SH3TC2: variants seen among roughly 807,000 people sequenced by gnomAD.
SH3TC2 encodes the protein SH3 domain and tetratricopeptide repeats 2.
Under a neutral mutation model 124.5 loss-of-function variants are expected in SH3TC2, and 87 were observed. The observed-to-expected ratio is 0.70, with a 90% CI of 0.59 to 0.84. The LOEUF is 0.84. Ranked by LOEUF, SH3TC2 falls within the 40% of genes least tolerant of loss-of-function variation. The pLI, the probability that SH3TC2 is intolerant of heterozygous loss-of-function variation, is 0.00. For synonymous variants in SH3TC2, 634 were observed against 628.5 expected (o/e 1.01, Z -0.13); for missense variants, 1,536 against 1,566.4 (o/e 0.98, Z 0.33).
chr5:149,009,747 A>G (rs1423668665), intron 14 of SH3TC2, among the ~76,000 whole-genome samples: 2 of 152,352 alleles, frequency 1.3e-5, no homozygotes, highest in Middle Eastern at 3.4e-3. Flanking sequence ...TATTCTTAAC[A>G]TCAACTCTTT....
intron 15 of SH3TC2, 134 bp downstream of exon 15, chr5:149,008,717 G>T (rs928265123): frequency 3.2e-6 from 4 of 1,257,500 alleles, no homozygotes; most frequent in Non-Finnish European, 4.6e-6. Flanking sequence ...CTTAACTAAG[G>T]TCTCTCTGAC....
chr5:149,018,739 G>A (rs1753919400), intron 12 of SH3TC2, among the ~76,000 whole-genome samples: 1 of 152,138 alleles, frequency 6.6e-6, no homozygotes, highest in South Asian at 2.1e-4. Flanking sequence ...ACCAAAACCT[G>A]TCTGTTAAAT....
chr5:149,038,901 G>A (rs535148462), intron 7 of SH3TC2, among the ~76,000 whole-genome samples: 1 of 152,352 alleles, frequency 6.6e-6, no homozygotes, highest in African/African-American at 2.4e-5. Context: ...ACCAGTGTGT[G>A]AGAACCACTC....
At chr5:149,057,686 G>A (rs1042834674) in intron 1 of SH3TC2, 3 of 152,108 alleles carry the variant, frequency 2.0e-5, no homozygotes, top group East Asian at 1.9e-4. Context: ...TTCTGTGATC[G>A]GTATGCATTT....
rs746538256 is a variant in SH3TC2, at chr5:149,027,299, C to A, written c.2433G>T (p.Gln811His). 3.1e-5 allele frequency: 50 copies of A among 1,613,968 alleles called. No individual in the cohort carries two copies. Among genetic ancestry groups the A allele is most frequent in the Non-Finnish European group, 4.2e-5 (50 of 1,180,054 alleles). The change falls in exon 11 of 17, where the codon CAG becomes CAT. Residue 811 changes from glutamine (Q) to histidine (H), a missense_variant. Transcript: ENST00000515425. ...CLAWAYLLAS[Q>H]AKKALDVLEP... Reference sequence around the variant, plus strand: ...CAAGCACATCCAAAGCCTTCTTGGCCTGGCTGGCTAAGAGATAGGCCCATG... The same window carrying A: ...CAAGCACATCCAAAGCCTTCTTGGCATGGCTGGCTAAGAGATAGGCCCATG...
intron 7 of SH3TC2, 133 bp from the exon 8 acceptor site, chr5:149,038,623 C>T (rs1164573256): frequency 2.1e-6 from 2 of 937,976 alleles, no homozygotes; most frequent in Non-Finnish European, 3.4e-6. Flanking sequence ...TCACTCCCCT[C>T]CCCACCCAAA....
intron 12 of SH3TC2, among the ~76,000 whole-genome samples, chr5:149,020,284 T>G (rs1753947351): frequency 6.6e-6 from 1 of 152,174 alleles, no homozygotes; most frequent in Non-Finnish European, 1.5e-5. Flanking sequence ...TAAAAAATGT[T>G]AATTATTACC....
intron 15 of SH3TC2, chr5:149,007,549 C>T: frequency 3.9e-6 from 1 of 255,502 alleles, no homozygotes; most frequent in Non-Finnish European, 7.6e-6. Flanking sequence ...ACACAAAAGT[C>T]TCTCTCTTCA....
At chr5:149,034,557 A>G in intron 8 of SH3TC2, 1 of 370,230 alleles carries the variant, frequency 2.7e-6, no homozygotes, top group East Asian at 9.2e-5. Context: ...CATTTTTAAC[A>G]TGATGTCCAT....
Position 149,026,698 on chromosome 5 carries a change from T to C in SH3TC2, c.2927A>G (p.Asn976Ser). The C allele has an allele frequency of 6.2e-7, 1 of 1,613,988 alleles. No homozygotes were observed. The highest frequency in any genetic ancestry group is 8.5e-7 in the Non-Finnish European group (1 of 1,179,998). The change falls in exon 12 of 17, where the codon AAC (asparagine) becomes AGC (serine). Residue 976 changes from asparagine (N) to serine (S), a missense_variant. Asn to Ser is a conservative substitution (Grantham distance 46). Around this residue, in one of 3 missense-constraint regions of SH3TC2, gnomAD observed 426 missense variants for 443.5 expected, o/e 0.96. Coordinates refer to ENST00000515425, the MANE Select transcript of SH3TC2 (RefSeq NM_024577.4). ...LCHFYSSVSP[N>S]PEACITYHEH... ...ATGGTAGGTGATGCATGCCTCAGGG[T>C]TTGGGGACACAGAGCTGTAGAAATG...
rs960705688 is a variant in SH3TC2, at chr5:148,983,927, T to C, written c.*20784A>G. ...AGATGGTGACATCTTTGAGGTACTA[T>C]CAACCTGCTCCTGGAACCAGTGTGG... On this transcript the variant is annotated 3_prime_UTR_variant, in exon 17 of 17. Transcript: ENST00000515425. Among the ~76,000 whole-genome samples the C allele has an allele frequency of 1.3e-5, 2 of 152,228 alleles. No individual in the cohort carries two copies. The highest frequency in any genetic ancestry group is 4.8e-5 in the African/African-American group (2 of 41,462).
chr5:149,019,905 C>G lies in SH3TC2; in HGVS notation c.3053+6667G>C, dbSNP rs562054341. Among the ~76,000 whole-genome samples the G allele has an allele frequency of 5.9e-5, 9 of 152,252 alleles. 2 individuals carry two copies. In the South Asian group the frequency reaches 1.7e-3, roughly 28 times the overall value. On this transcript the variant is annotated intron_variant, in intron 12 of 16. Transcript: ENST00000515425. The stretch of plus-strand genomic sequence containing the variant: ...GCTTGAAATACCCCAAAGTTCCATC[C>G]CCAGAGAACTGTTACTGTTTGATCT...
chr5:149,027,605 C>A lies in SH3TC2; in HGVS notation c.2127G>T (p.Trp709Cys), dbSNP rs756907661. The A allele has an allele frequency of 4.3e-6, 7 of 1,614,224 alleles. No homozygotes were observed. Among genetic ancestry groups the A allele is most frequent in the Non-Finnish European group, 5.9e-6 (7 of 1,180,034 alleles). The change falls in exon 11 of 17, where the codon TGG becomes TGT. Residue 709 changes from tryptophan to cysteine, a missense_variant. Physicochemically the swap from Trp to Cys is radical, Grantham distance 215. Transcript: ENST00000515425. ...TGTTCTGGAGGACAAGGTGGACCTG[C>A]CAAATAGGAAGAGACATCCCTTGGG... ...QSAQGMSLPIWQVHLVLQNTT... is the reference protein window; with the variant it reads ...QSAQGMSLPICQVHLVLQNTT...
In SH3TC2 at chr5:149,063,050, C is replaced by A. The variant is rs1325107229; in HGVS notation, c.-28G>T. 1 of 1,583,100 alleles carries A rather than the reference C, an allele frequency of 6.3e-7. No homozygotes were observed. The highest frequency in any genetic ancestry group is 1.8e-5 in the Admixed American group (1 of 56,396). On this transcript the variant is annotated 5_prime_UTR_variant, in exon 1 of 17. Transcript: ENST00000515425. ...GTGTACCATCCTACCCTGGCCGAGGCCCTTGGGAACACAGGCCAGAAGAGT... is the reference window on the plus strand; with the variant it reads ...GTGTACCATCCTACCCTGGCCGAGGACCTTGGGAACACAGGCCAGAAGAGT...
intron 6 of SH3TC2, 151 bp downstream of exon 6, chr5:149,041,265 G>A: frequency 1.2e-6 from 1 of 807,542 alleles, no homozygotes; most frequent in Non-Finnish European, 2.0e-6. Flanking sequence ...TGTTAAAAAA[G>A]AAAAGAAAAA....
chr5:148,998,319 G>T lies in SH3TC2; in HGVS notation c.*6392C>A, dbSNP rs114817736. Among the ~76,000 whole-genome samples the T allele has an allele frequency of 9.9e-5, 15 of 152,242 alleles. No homozygotes were observed. The East Asian group carries it at 2.5e-3, about 25-fold the overall frequency. On this transcript the variant is annotated 3_prime_UTR_variant, in exon 17 of 17. Transcript: ENST00000515425. ...ATTCAGAACTATTAATATTAAATAC[G>T]TTCTTTACCAATGATACACTATTTA... is the stretch of plus-strand genomic sequence containing the variant.
chr5:148,990,328 G>A lies in SH3TC2; in HGVS notation c.*14383C>T, dbSNP rs540922872. On this transcript the variant is annotated 3_prime_UTR_variant, in exon 17 of 17. Transcript: ENST00000515425. ...TGAGCCTTAGTTTCCTTAGTTTGCTGTAAATGTTCACACCTCCCATCATAA... is the reference window on the plus strand; with the variant it reads ...TGAGCCTTAGTTTCCTTAGTTTGCTATAAATGTTCACACCTCCCATCATAA... Among the ~76,000 whole-genome samples, 2 of 152,178 alleles carry A rather than the reference G, an allele frequency of 1.3e-5. No individual in the cohort carries two copies. Among genetic ancestry groups the A allele is most frequent in the East Asian group, 1.9e-4 (1 of 5,184 alleles).
chr5:149,030,621 A>AGGGCAG (rs1754174619), intron 9 of SH3TC2, among the ~76,000 whole-genome samples: 1 of 152,258 alleles, frequency 6.6e-6, no homozygotes. Context: ...AAGCTCTGCT[A>AGGGCAG]GGGCAGGGTG....
Position 149,028,397 on chromosome 5 carries a change from A to C in SH3TC2, c.1335T>G (p.Asp445Glu), listed in dbSNP as rs1234203055. Residue 445 changes from aspartate to glutamate, a missense_variant, in exon 11 of 17, where the codon GAT (aspartate) becomes GAG (glutamate). Asp to Glu is a conservative substitution (Grantham distance 45). Around this residue, in one of 3 missense-constraint regions of SH3TC2, gnomAD observed 1,102 missense variants for 1,098.6 expected, o/e 1.00. Transcript: ENST00000515425. Reference sequence around the variant, plus strand: ...TGAGCAGTTCCGGGTCATCAAGGTCATCAGGCTCCGGCAGGCGATAGCTGT... The same window carrying C: ...TGAGCAGTTCCGGGTCATCAAGGTCCTCAGGCTCCGGCAGGCGATAGCTGT... Reference protein sequence around the residue: ...TSDSYRLPEPDDLDDPELLMD... With the variant: ...TSDSYRLPEPEDLDDPELLMD... 2 of 1,613,944 alleles carry C rather than the reference A, an allele frequency of 1.2e-6. No individual in the cohort carries two copies. The highest frequency in any genetic ancestry group is 1.7e-6 in the Non-Finnish European group (2 of 1,180,008).
Sources: allele counts gnomAD v4.1 joint callset (sites outside exome capture counted in the v4.1 genomes callset), GRCh38; gene constraint gnomAD v4.1.1; regional missense constraint gnomAD v4.1.1; transcripts MANE v1.5; gene names NCBI Gene and HGNC (gene_info 2026-07-23, HGNC 2026-07-21).